DSCAML1: variants seen among roughly 807,000 people sequenced by gnomAD.
The protein encoded by DSCAML1 is DS cell adhesion molecule like 1, also known as cell adhesion molecule DSCAML1.
A neutral mutation model predicts 200.5 loss-of-function variants in DSCAML1; 38 were observed. The ratio of observed to expected loss-of-function variants is 0.19; its 90% CI spans 0.15 to 0.25. DSCAML1 has a LOEUF of 0.25. Ranked by LOEUF, DSCAML1 falls within the 10% of genes least tolerant of loss-of-function variation. The probability of loss-of-function intolerance (pLI) is 1.00; values close to 1 mark genes in which losing one functional copy is unlikely to be tolerated. For synonymous variants in DSCAML1, 1,215 were observed against 1,165.0 expected, an observed-to-expected ratio of 1.04 and a Z score of -0.87; for missense variants, 2,223 against 2,858.8, an observed-to-expected ratio of 0.78 and a Z score of 5.07.
intron 3 of DSCAML1, among the ~76,000 whole-genome samples, chr11:117,701,253 A>T (rs1290019509): frequency 6.6e-6 from 1 of 151,626 alleles, no homozygotes; most frequent in Non-Finnish European, 1.5e-5. Flanking sequence ...GCAACAGAGC[A>T]AGACTCCATC....
chr11:117,687,323 C>T (rs1046915019), intron 3 of DSCAML1, among the ~76,000 whole-genome samples: 8 of 151,800 alleles, frequency 5.3e-5, no homozygotes, highest in African/African-American at 1.9e-4. Flanking sequence ...TGCAGTGATG[C>T]AATCATGGCT....
At chr11:117,785,576 T>C (rs1010835029) in intron 1 of DSCAML1, among the ~76,000 whole-genome samples, 5 of 151,966 alleles carry the variant, frequency 3.3e-5, no homozygotes, top group African/African-American at 1.2e-4. Context: ...GTGGGGGATA[T>C]GTGGAGGTTT....
chr11:117,699,154 A>G (rs1438911911), intron 3 of DSCAML1, among the ~76,000 whole-genome samples: 6 of 152,120 alleles, frequency 3.9e-5, no homozygotes, highest in Non-Finnish European at 8.8e-5. Context: ...ACACCCAGCA[A>G]TGAAGGGAGG....
rs187100939 is a variant in DSCAML1 at position 117,499,710 on chromosome 11, T to A, written c.2359+4135A>T. Among the ~76,000 whole-genome samples the A allele has an allele frequency of 6.6e-5, 10 of 152,328 alleles. 1 individual carries two copies. The East Asian group carries it at 1.9e-3, about 29-fold the overall frequency. ...ATGCAGGCGGCGATGCTGGACTGTG[T>A]GCTTAGGCACTCGTGAGTTCAACCC... On this transcript the variant is annotated intron_variant, in intron 11 of 32. Transcript: ENST00000651296.
At chr11:117,703,734 G>A (rs1459902664) in intron 3 of DSCAML1, among the ~76,000 whole-genome samples, 1 of 152,208 alleles carries the variant, frequency 6.6e-6, no homozygotes, top group Non-Finnish European at 1.5e-5. Flanking sequence ...ACAAGACTGT[G>A]GGTGCCCCAA....
In DSCAML1 at chr11:117,437,158, C is replaced by G. The variant is rs781078976; in HGVS notation, c.4684G>C (p.Glu1562Gln). 4.3e-6 allele frequency: 7 copies of G among 1,614,092 alleles called. No individual in the cohort carries two copies. In the South Asian group the frequency reaches 7.7e-5, roughly 18 times the overall value. Residue 1562 changes from glutamate (E) to glutamine (Q), a missense_variant, in exon 26 of 33, where the codon GAA (glutamate) becomes CAA (glutamine). Glu to Gln is a conservative substitution (Grantham distance 29). Coordinates refer to ENST00000651296, the MANE Select transcript of DSCAML1 (RefSeq NM_020693.4). The surrounding 1 kb of genome is among the most constrained non-coding windows in gnomAD (Gnocchi z 5.3). ...TCCAGGGTGGCGAACTGGGCTGTTTCATTGCCGCAGCCCGCACTGTTGCAA... is the reference window on the plus strand; with the variant it reads ...TCCAGGGTGGCGAACTGGGCTGTTTGATTGCCGCAGCCCGCACTGTTGCAA... The part of the protein sequence containing the change: ...RACNSAGCGN[E>Q]TAQFATLDYD...
intron 3 of DSCAML1, among the ~76,000 whole-genome samples, chr11:117,646,667 G>A (rs2052528309): frequency 6.6e-6 from 1 of 152,144 alleles, no homozygotes; most frequent in South Asian, 2.1e-4. Flanking sequence ...GTGACATCGT[G>A]TTGGTAGCTT....
rs572922635 is a variant in DSCAML1, at chr11:117,522,179, G to C, written c.938-774C>G. Among the ~76,000 whole-genome samples the C allele has an allele frequency of 2.6e-5, 4 of 152,288 alleles. No homozygotes were observed. In the South Asian group the frequency reaches 6.2e-4, roughly 24 times the overall value. On this transcript the variant is annotated intron_variant, in intron 5 of 32. Transcript: ENST00000651296. Reference sequence around the variant, plus strand: ...CTAGAGCATTCTGTGCCTAATTCTTGCTCATCCTTCGCATGGTGTCACCTC... The same window carrying C: ...CTAGAGCATTCTGTGCCTAATTCTTCCTCATCCTTCGCATGGTGTCACCTC...
At position 117,516,679 on chromosome 11, in the gene DSCAML1, A is replaced by G. The variant is rs780734106; in HGVS notation, c.1571T>C (p.Ile524Thr). ...ITAVAGRDTL[I>T]NCRVIGYPYY... ...GGGATAGCCGATGACCCTGCAGTTGATAAGGGTGTCCCGCCCGGCGACTGC... is the reference window on the plus strand; with the variant it reads ...GGGATAGCCGATGACCCTGCAGTTGGTAAGGGTGTCCCGCCCGGCGACTGC... Residue 524 changes from isoleucine (I) to threonine (T), a missense_variant, in exon 8 of 33, where the codon ATC becomes ACC. Coordinates refer to ENST00000651296, the MANE Select transcript of DSCAML1 (RefSeq NM_020693.4). This position sits in a 1 kb window ranked among gnomAD's most constrained non-coding sequence, Gnocchi z 5.7. 1 of 1,614,040 alleles carries G rather than the reference A, an allele frequency of 6.2e-7. No individual in the cohort carries two copies. The highest frequency in any genetic ancestry group is 8.5e-7 in the Non-Finnish European group (1 of 1,180,000).
chr11:117,546,567 G>A (rs2050376820), intron 3 of DSCAML1, among the ~76,000 whole-genome samples: 1 of 152,274 alleles, frequency 6.6e-6, no homozygotes, highest in African/African-American at 2.4e-5. Context: ...GGAGGGGTGT[G>A]GAGTTACCAG....
chr11:117,722,306 T>TA (rs34365570), intron 3 of DSCAML1, among the ~76,000 whole-genome samples: 8,458 of 114,242 alleles, frequency 0.074, 428 homozygotes, highest in African/African-American at 0.17. Context: ...ATGGGGGAGC[T>TA]AAAAAAAAAA....
chr11:117,563,266 A>G (rs2050697978), intron 3 of DSCAML1, among the ~76,000 whole-genome samples: 2 of 152,226 alleles, frequency 1.3e-5, no homozygotes, highest in Non-Finnish European at 2.9e-5. Flanking sequence ...AAGGAAAGAG[A>G]GAGGGGAAAT....
chr11:117,484,617 T>C (rs1004282812), intron 11 of DSCAML1, among the ~76,000 whole-genome samples: 3 of 152,202 alleles, frequency 2.0e-5, no homozygotes, highest in African/African-American at 7.2e-5. Flanking sequence ...CTCTCAAGGA[T>C]GTGCGGAGGA....
At position 117,433,207 on chromosome 11, in the gene DSCAML1, G is replaced by T; in HGVS notation, c.4957C>A (p.Pro1653Thr). The T allele has an allele frequency of 6.2e-7, 1 of 1,613,944 alleles. No individual in the cohort carries two copies. Among genetic ancestry groups the T allele is most frequent in the Non-Finnish European group, 8.5e-7 (1 of 1,179,900 alleles). ...CTGGGGATGTCAATGTGTAGCCGTGGGCCCTGGGGTGGCCCTTTCACAGGG... is the reference window on the plus strand; with the variant it reads ...CTGGGGATGTCAATGTGTAGCCGTGTGCCCTGGGGTGGCCCTTTCACAGGG... The part of the protein sequence containing the change: ...DTPVKGPPQG[P>T]RLHIDIPRVQ... Residue 1653 changes from proline to threonine, a missense_variant, in exon 29 of 33, where the codon CCA (proline) becomes ACA (threonine). By Grantham distance (38) the Pro-to-Thr change is conservative. Coordinates refer to ENST00000651296, the MANE Select transcript of DSCAML1 (RefSeq NM_020693.4).
intron 3 of DSCAML1, among the ~76,000 whole-genome samples, chr11:117,767,506 C>T (rs926989988): frequency 6.6e-5 from 10 of 152,180 alleles, no homozygotes; most frequent in South Asian, 2.1e-4. Context: ...CTGCAACGTA[C>T]GCTTAACAGC....
rs1201307066 is a variant in DSCAML1 at position 117,469,633 on chromosome 11, T to C, written c.3024+277A>G. ...ACGGGCCAGCACCACCGAGGAACCA[T>C]CTTCCCTCCTTGGCACTGCAAGTTT... is the stretch of plus-strand genomic sequence containing the variant. On this transcript the variant is annotated intron_variant, in intron 16 of 32. Coordinates refer to ENST00000651296, the MANE Select transcript of DSCAML1 (RefSeq NM_020693.4). The surrounding 1 kb of genome is among the most constrained non-coding windows in gnomAD (Gnocchi z 4.1). Among the ~76,000 whole-genome samples, 1 of 152,098 alleles carries C rather than the reference T, an allele frequency of 6.6e-6. No individual in the cohort carries two copies. The highest frequency in any genetic ancestry group is 2.4e-5 in the African/African-American group (1 of 41,432).
chr11:117,578,257 G>C (rs201425623), intron 3 of DSCAML1, among the ~76,000 whole-genome samples: 1 of 72,856 alleles, frequency 1.4e-5, no homozygotes, highest in African/African-American at 5.6e-5. Context: ...AAAAAAAAAA[G>C]AAGAAAAATC....
chr11:117,769,130 G>GTATATTATATATTATATATATTTTATA (rs2054953489), intron 3 of DSCAML1, among the ~76,000 whole-genome samples: 1 of 115,282 alleles, frequency 8.7e-6, no homozygotes, highest in Non-Finnish European at 1.7e-5. Flanking sequence ...TATATATTAT[G>GTATATTATATATTATATATATTTTATA]TATATTATAT....
intron 3 of DSCAML1, among the ~76,000 whole-genome samples, chr11:117,613,780 G>A (rs2051749285): frequency 6.6e-6 from 1 of 152,176 alleles, no homozygotes; most frequent in African/African-American, 2.4e-5. Context: ...GCTCTTCCCA[G>A]CTACCTCCTG....
Sources: allele counts gnomAD v4.1 joint callset (sites outside exome capture counted in the v4.1 genomes callset), GRCh38; gene constraint gnomAD v4.1.1; non-coding constraint Gnocchi (gnomAD v3.1); transcripts MANE v1.5; gene names NCBI Gene and HGNC (gene_info 2026-07-23, HGNC 2026-07-21).